DPY19L1: variants seen among roughly 807,000 people sequenced by gnomAD.
The protein encoded by DPY19L1 is dpy-19 like C-mannosyltransferase 1, also known as protein C-mannosyl-transferase DPY19L1.
Under a neutral mutation model 96.9 loss-of-function variants are expected in DPY19L1, and 35 were observed. That is an observed-to-expected ratio of 0.36 (90% CI 0.28 to 0.48). The LOEUF is 0.48. Among genes scored for constraint, DPY19L1 ranks in the 20% least tolerant of loss-of-function variants. The probability of loss-of-function intolerance (pLI) is 0.99; values close to 1 mark genes in which losing one functional copy is unlikely to be tolerated. For missense variants in DPY19L1, 521 were observed against 777.9 expected, an observed-to-expected ratio of 0.67 and a Z score of 3.93; for synonymous variants, 205 against 252.6, an observed-to-expected ratio of 0.81 and a Z score of 1.79.
chr7:35,035,267 C>G (rs948281696), intron 1 of DPY19L1, among the ~76,000 whole-genome samples: 2 of 152,178 alleles, frequency 1.3e-5, no homozygotes, highest in African/African-American at 4.8e-5. Context: ...ATTCACTGTA[C>G]CTCCTTTCAA....
intron 1 of DPY19L1, among the ~76,000 whole-genome samples, chr7:35,030,637 C>T (rs1300983735): frequency 1.3e-5 from 2 of 151,742 alleles, no homozygotes; most frequent in African/African-American, 4.8e-5. Context: ...AGAAAGATGC[C>T]AGAAAAACAC....
chr7:34,950,967 G>A (rs1784255940), intron 13 of DPY19L1, among the ~76,000 whole-genome samples: 1 of 152,016 alleles, frequency 6.6e-6, no homozygotes, highest in Admixed American at 6.6e-5. Context: ...GTTGAAAACA[G>A]AAGAATGGAA....
At chr7:35,017,309 A>C (rs1354269475) in intron 3 of DPY19L1, among the ~76,000 whole-genome samples, 14 of 151,320 alleles carry the variant, frequency 9.3e-5, no homozygotes, top group Non-Finnish European at 1.3e-4. Flanking sequence ...CTGGCTAACA[A>C]GGTGAAACCC....
At chr7:34,966,323 G>T (rs1200525319) in intron 10 of DPY19L1, among the ~76,000 whole-genome samples, 1 of 151,924 alleles carries the variant, frequency 6.6e-6, no homozygotes, top group Non-Finnish European at 1.5e-5. Context: ...GTAGAGACAT[G>T]GTCTTGCTAT....
chr7:34,937,193 G>T (rs893623316), intron 21 of DPY19L1, among the ~76,000 whole-genome samples: 8 of 152,006 alleles, frequency 5.3e-5, no homozygotes, highest in African/African-American at 9.7e-5. Flanking sequence ...AAACATCTCT[G>T]TGGAAATAGA....
intron 9 of DPY19L1, 122 bp from the exon 10 acceptor site, chr7:34,967,093 CCTTTT>C (rs1408619582): frequency 1.9e-5 from 12 of 637,926 alleles, no homozygotes; most frequent in East Asian, 4.0e-5. Flanking sequence ...CTTCTGTTTT[CCTTTT>C]ATCTGACAAT....
intron 21 of DPY19L1, among the ~76,000 whole-genome samples, chr7:34,934,247 C>A (rs1041042354): frequency 1.3e-5 from 2 of 152,014 alleles, no homozygotes; most frequent in Admixed American, 1.3e-4. Context: ...ACAGGCGTGA[C>A]CCACCGCGCC....
chr7:34,937,670 A>C (rs1042154559), intron 21 of DPY19L1, among the ~76,000 whole-genome samples: 2 of 152,176 alleles, frequency 1.3e-5, no homozygotes, highest in African/African-American at 4.8e-5. Flanking sequence ...GTGGTGACTC[A>C]CGCCTGTACT....
intron 6 of DPY19L1, among the ~76,000 whole-genome samples, chr7:35,001,830 A>T (rs919217341): frequency 6.6e-6 from 1 of 152,022 alleles, no homozygotes; most frequent in African/African-American, 2.4e-5. Context: ...AAGGATGTTT[A>T]AAAAAACAAG....
intron 15 of DPY19L1, among the ~76,000 whole-genome samples, chr7:34,947,215 G>GT (rs1310994994): frequency 2.6e-5 from 4 of 152,082 alleles, no homozygotes; most frequent in Non-Finnish European, 5.9e-5. Context: ...CAAATACTCT[G>GT]TTTTTTCTTT....
intron 7 of DPY19L1, among the ~76,000 whole-genome samples, chr7:34,985,928 AT>A (rs774662067): frequency 6.6e-6 from 1 of 152,070 alleles, no homozygotes; most frequent in Non-Finnish European, 1.5e-5. Context: ...AAAGAGATTA[AT>A]AAGGAAAATT....
At chr7:34,956,509 AT>A (rs1167215800) in intron 11 of DPY19L1, among the ~76,000 whole-genome samples, 383 of 145,062 alleles carry the variant, frequency 2.6e-3, no homozygotes, top group Admixed American at 2.7e-3. Context: ...AGAAATGGGT[AT>A]TTTTTTTTTT....
intron 3 of DPY19L1, 23 bp from the exon 4 acceptor site, chr7:35,013,728 TA>T: frequency 6.4e-7 from 1 of 1,556,562 alleles, no homozygotes. Context: ...TATGCTCAAT[TA>T]AAATAACAAA....
chr7:34,946,769 C>A (rs1258699306), intron 15 of DPY19L1, among the ~76,000 whole-genome samples: 1 of 152,160 alleles, frequency 6.6e-6, no homozygotes, highest in Non-Finnish European at 1.5e-5. Context: ...GGACATGATG[C>A]GAGGCTCCTA....
intron 20 of DPY19L1, among the ~76,000 whole-genome samples, chr7:34,938,577 C>T (rs1783923155): frequency 6.6e-6 from 1 of 152,018 alleles, no homozygotes; most frequent in Non-Finnish European, 1.5e-5. Flanking sequence ...ACTTATTTAA[C>T]AAAATTGGTC....
At chr7:34,956,382 CTTG>C (rs924023658) in intron 11 of DPY19L1, among the ~76,000 whole-genome samples, 5 of 151,992 alleles carry the variant, frequency 3.3e-5, no homozygotes, top group South Asian at 2.1e-4. Context: ...TATGATTTTT[CTTG>C]TTGTTGTTGT....
chr7:34,975,935 T>C (rs1784821570), intron 7 of DPY19L1, among the ~76,000 whole-genome samples: 1 of 152,214 alleles, frequency 6.6e-6, no homozygotes. Flanking sequence ...AAAATATTAT[T>C]GCTCATTGAC....
At chr7:35,029,142 A>G (rs1187496085) in intron 1 of DPY19L1, among the ~76,000 whole-genome samples, 1 of 152,126 alleles carries the variant, frequency 6.6e-6, no homozygotes, top group Non-Finnish European at 1.5e-5. Flanking sequence ...TCTCAGCCTT[A>G]TTTTACTCAG....
chr7:35,035,330 C>T (rs549144699), intron 1 of DPY19L1, among the ~76,000 whole-genome samples: 1 of 152,286 alleles, frequency 6.6e-6, no homozygotes, highest in South Asian at 2.1e-4. Context: ...TAATACAAAA[C>T]TGTATTTAGG....
Sources: allele counts gnomAD v4.1 joint callset (sites outside exome capture counted in the v4.1 genomes callset), GRCh38; gene constraint gnomAD v4.1.1; transcripts MANE v1.5; gene names NCBI Gene and HGNC (gene_info 2026-07-23, HGNC 2026-07-21).